TMEM267: variants seen among roughly 807,000 people sequenced by gnomAD.
TMEM267 encodes the protein transmembrane protein C5orf28.
Under a neutral mutation model 19.3 loss-of-function variants are expected in TMEM267, and 20 were observed. The observed-to-expected ratio is 1.04, with a 90% confidence interval of 0.73 to 1.51. TMEM267 has a LOEUF of 1.51. TMEM267 is among the 40% of genes most tolerant of loss of function. The probability of loss-of-function intolerance (pLI) is 0.00; values close to 1 mark genes in which losing one functional copy is unlikely to be tolerated. For synonymous variants in TMEM267, 88 were observed against 90.3 expected (o/e 0.97, Z 0.15); for missense variants, 242 against 261.9 (o/e 0.92, Z 0.52).
chr5:43,467,469 C>G (rs1422475165), intron 1 of TMEM267, among the ~76,000 whole-genome samples: 1 of 152,010 alleles, frequency 6.6e-6, no homozygotes, highest in Admixed American at 6.6e-5. Flanking sequence ...GATTTCAAGA[C>G]AAAAAGTATA....
At chr5:43,473,023 A>C (rs552864429) in intron 1 of TMEM267, among the ~76,000 whole-genome samples, 2 of 151,684 alleles carry the variant, frequency 1.3e-5, no homozygotes, top group South Asian at 2.1e-4. Context: ...CTGTAATCCC[A>C]GCTACTCAGG....
intron 2 of TMEM267, among the ~76,000 whole-genome samples, chr5:43,451,603 TG>T (rs1444340917): frequency 3.9e-5 from 6 of 152,074 alleles, no homozygotes; most frequent in African/African-American, 1.4e-4. Context: ...AACCAACAGA[TG>T]TTGGCAAGGA....
At chr5:43,477,993 C>T (rs1010017275) in intron 1 of TMEM267, among the ~76,000 whole-genome samples, 4 of 152,106 alleles carry the variant, frequency 2.6e-5, no homozygotes, top group Admixed American at 2.0e-4. Context: ...TTTTGACTTA[C>T]GATGGGTTTA....
intron 1 of TMEM267, among the ~76,000 whole-genome samples, chr5:43,472,093 GA>G (rs1227150179): frequency 6.6e-6 from 1 of 151,650 alleles, no homozygotes. Context: ...TGCTCTATAG[GA>G]AAAAAAATAC....
chr5:43,460,216 C>T (rs1395363974), intron 1 of TMEM267, among the ~76,000 whole-genome samples: 1 of 152,180 alleles, frequency 6.6e-6, no homozygotes, highest in African/African-American at 2.4e-5. Context: ...GATGAAGCTT[C>T]ACTTGCTAGC....
intron 1 of TMEM267, among the ~76,000 whole-genome samples, chr5:43,459,213 G>A (rs79846404): frequency 6.6e-6 from 1 of 152,080 alleles, no homozygotes. Flanking sequence ...ATTTTGGGGG[G>A]TAGGGGAAAC....
At chr5:43,451,830 T>C (rs1329089736) in intron 2 of TMEM267, among the ~76,000 whole-genome samples, 1 of 151,838 alleles carries the variant, frequency 6.6e-6, no homozygotes, top group East Asian at 1.9e-4. Flanking sequence ...ATCCCAGCAC[T>C]TTGGGAGGTT....
At chr5:43,459,471 A>G (rs143980367) in intron 1 of TMEM267, among the ~76,000 whole-genome samples, 5 of 152,328 alleles carry the variant, frequency 3.3e-5, no homozygotes, top group African/African-American at 1.2e-4. Flanking sequence ...ATTATTGTTC[A>G]AAACAAAACA....
At position 43,450,705 on chromosome 5, in the gene TMEM267, G is replaced by A. The variant is rs188094668; in HGVS notation, c.312+2953C>T. On this transcript the variant is annotated intron_variant, in intron 2 of 2. Transcript: ENST00000397080. ...TCTAAGTGAATTAAAGGATAAATAC[G>A]TTATGCAGCCTAAATGCTTTTAAAA... Among the ~76,000 whole-genome samples, 22 of 152,240 alleles carry A rather than the reference G, an allele frequency of 1.4e-4. No homozygotes were observed. In the East Asian group the frequency reaches 3.9e-3, roughly 27 times the overall value.
intron 1 of TMEM267, among the ~76,000 whole-genome samples, chr5:43,469,659 G>A (rs1013208123): frequency 1.1e-4 from 17 of 152,190 alleles, no homozygotes; most frequent in African/African-American, 3.1e-4. Flanking sequence ...GTATCATACT[G>A]TGAAAGGAAA....
At chr5:43,462,068 A>C (rs1743305169) in intron 1 of TMEM267, among the ~76,000 whole-genome samples, 1 of 152,240 alleles carries the variant, frequency 6.6e-6, no homozygotes, top group African/African-American at 2.4e-5. Flanking sequence ...ACTTCACCCT[A>C]GCTTTAGGTG....
intron 1 of TMEM267, chr5:43,479,783 A>G (rs904209520): frequency 5.3e-6 from 2 of 375,604 alleles, no homozygotes; most frequent in Non-Finnish European, 1.0e-5. Context: ...TCTCTAAAGC[A>G]TTAAGATGGA....
chr5:43,462,873 AAAC>A lies in TMEM267; in HGVS notation c.-74-8833_-74-8831del, dbSNP rs555221645. 2.0e-3 allele frequency among the ~76,000 whole-genome samples: 301 copies of A among 152,352 alleles called. 1 individual carries two copies. The highest frequency in any genetic ancestry group is 0.01 in the Middle Eastern group (3 of 294). ...AATTGACACCCTAACATCACAATTA[AAAC>A]AACTAGAAAAGCAAGAGCAAACACA... On this transcript the variant is annotated intron_variant, in intron 1 of 2. Transcript: ENST00000397080.
At chr5:43,452,392 A>G (rs1258920516) in intron 2 of TMEM267, among the ~76,000 whole-genome samples, 19 of 152,136 alleles carry the variant, frequency 1.2e-4, no homozygotes, top group Admixed American at 1.2e-3. Flanking sequence ...AGCGAGAGCT[A>G]AACAATGGGT....
At chr5:43,451,815 C>T (rs146498016) in intron 2 of TMEM267, among the ~76,000 whole-genome samples, 3,320 of 152,162 alleles carry the variant, frequency 0.022, 128 homozygotes, top group African/African-American at 0.076. Flanking sequence ...TGGCTCATGC[C>T]TGTAATCCCA....
intron 1 of TMEM267, among the ~76,000 whole-genome samples, chr5:43,464,132 A>C (rs199548783): frequency 2.7e-5 from 4 of 150,828 alleles, no homozygotes; most frequent in African/African-American, 7.3e-5. Flanking sequence ...TCAATGTACA[A>C]AAATCACAAG....
rs1743248277 is a variant in TMEM267, at chr5:43,461,360, G to A, written c.-74-7317C>T. 1.3e-5 allele frequency among the ~76,000 whole-genome samples: 2 copies of A among 152,194 alleles called. 1 individual carries two copies. Among genetic ancestry groups the A allele is most frequent in the South Asian group, 4.1e-4 (2 of 4,826 alleles). ...TCAGGTGAGACTCAGCACATTATCA[G>A]CTGTGGTGGCTATGGGAAAAAACTC... On this transcript the variant is annotated intron_variant, in intron 1 of 2. Transcript: ENST00000397080.
In TMEM267 at chr5:43,446,135, A is replaced by T; in HGVS notation, c.*87T>A. The T allele has an allele frequency of 1.3e-6, 1 of 776,094 alleles. No homozygotes were observed. The highest frequency in any genetic ancestry group is 2.1e-6 in the Non-Finnish European group (1 of 484,526). The allele number at this position is 776,094 out of a possible 1,614,324, so 48.1% of individuals were successfully genotyped here. A position where few individuals can be genotyped will look rare whatever the true frequency, so the allele number is the denominator to read the frequency against. On this transcript the variant is annotated 3_prime_UTR_variant, in exon 3 of 3. Coordinates refer to ENST00000397080, the MANE Select transcript of TMEM267 (RefSeq NM_022483.5). ...AATAACTAAATAATATAAACACCTA[A>T]CTGTATTTTTAAAAATTAACTTTAA...
At chr5:43,472,630 G>A (rs1273927212) in intron 1 of TMEM267, among the ~76,000 whole-genome samples, 1 of 152,166 alleles carries the variant, frequency 6.6e-6, no homozygotes, top group Admixed American at 6.5e-5. Context: ...ATGAGATCCA[G>A]TTATTTGCAA....
Sources: gnomAD v4.1 joint callset for allele counts (sites outside exome capture counted in the v4.1 genomes callset) on GRCh38, gnomAD v4.1.1 for gene constraint, MANE v1.5 for transcripts, NCBI Gene and HGNC (gene_info 2026-07-23, HGNC 2026-07-21) for gene names.